C16orf46: variants seen among roughly 807,000 people sequenced by gnomAD.
The protein encoded by C16orf46 is uncharacterized protein C16orf46.
Under a neutral mutation model 5.5 loss-of-function variants are expected in C16orf46, and 7 were observed. The observed-to-expected ratio is 1.28, with a 90% CI of 0.73 to 2.40. The LOEUF is 2.40. C16orf46 is among the 30% of genes most tolerant of loss of function. The pLI is 0.00. For missense variants in C16orf46, 614 were observed against 476.0 expected (o/e 1.29, Z -2.70); for synonymous variants, 200 against 184.1 (o/e 1.09, Z -0.70).
rs1253966096 is a variant in C16orf46 at position 81,063,805 on chromosome 16, T to TA, written c.150dup (p.Thr51TyrfsTer3). On this transcript the variant is annotated frameshift_variant, in exon 3 of 4. Transcript: ENST00000299578. LOFTEE classifies it high-confidence loss of function. ...TTGGCTTTTTCATCTTGTTCAAGCG[T>TA]AATGTCACTGACATCGAGAAGACAA... 2 of 1,614,146 alleles carry TA rather than the reference T, an allele frequency of 1.2e-6. No individual in the cohort carries two copies.
At chr16:81,064,362 C>CAAA (rs113685280) in intron 2 of C16orf46, among the ~76,000 whole-genome samples, 11 of 139,286 alleles carry the variant, frequency 7.9e-5, no homozygotes, top group Non-Finnish European at 1.2e-4. Context: ...GATTACATCT[C>CAAA]AAAAAAAAAA....
Position 81,061,996 on chromosome 16 carries a change from G to T in C16orf46, c.353C>A (p.Pro118His). 1 of 1,614,132 alleles carries T rather than the reference G, an allele frequency of 6.2e-7. No homozygotes were observed. The highest frequency in any genetic ancestry group is 8.5e-7 in the Non-Finnish European group (1 of 1,180,036). The change falls in exon 4 of 4, where the codon CCT (proline) becomes CAT (histidine). Residue 118 changes from proline (P) to histidine (H), a missense_variant. By Grantham distance (77) the Pro-to-His change is moderately conservative. Coordinates refer to ENST00000299578, the MANE Select transcript of C16orf46 (RefSeq NM_152337.3). ...ATCCTTCTCTGGGCCCCCCTCAGTA[G>T]GAGGCTTGGTCTGGAGGCTCCAGTG... ...LSHWSLQTKP[P>H]TEGGPEKDQS...
chr16:81,056,781 C>A (rs373519757), downstream of C16orf46, among the ~76,000 whole-genome samples: 1 of 151,560 alleles, frequency 6.6e-6, no homozygotes, highest in East Asian at 1.9e-4. Context: ...CACCATGAGA[C>A]CCTAGAGGAC....
chr16:81,066,187 G>A lies in C16orf46; in HGVS notation c.-39+6C>T, dbSNP rs143484143. On this transcript the variant is annotated splice_donor_region_variant and intron_variant, in intron 2 of 3. Transcript: ENST00000299578. ...TTATTAATCAGAAGGTCAGATTACTGCATACCAGATCACCAGATGCACCTT... is the reference window on the plus strand; with the variant it reads ...TTATTAATCAGAAGGTCAGATTACTACATACCAGATCACCAGATGCACCTT... 1 of 151,934 alleles carries A rather than the reference G, an allele frequency of 6.6e-6. No individual in the cohort carries two copies. The highest frequency in any genetic ancestry group is 2.4e-5 in the African/African-American group (1 of 41,460). The allele number at this position is 151,934 out of a possible 1,614,324, so 9.4% of individuals were successfully genotyped here.
intron 1 of C16orf46, 116 bp downstream of exon 1, chr16:81,077,020 T>TCTGCCTTTCG (rs1426102263): frequency 3.9e-5 from 6 of 152,414 alleles, no homozygotes; most frequent in Non-Finnish European, 8.8e-5. Context: ...ACATAGTGCC[T>TCTGCCTTTCG]CTGCCTTTCG....
At position 81,069,579 on chromosome 16, in the gene C16orf46, A is replaced by G. The variant is rs561845647; in HGVS notation, c.-127-3298T>C. Among the ~76,000 whole-genome samples, 207 of 152,290 alleles carry G rather than the reference A, an allele frequency of 1.4e-3. 7 individuals are homozygous for G. The South Asian group carries it at 0.041, about 30-fold the overall frequency. On this transcript the variant is annotated intron_variant, in intron 1 of 3. Coordinates refer to ENST00000299578, the MANE Select transcript of C16orf46 (RefSeq NM_152337.3). ...AGAAGCGGGGCTAATACTTCCTTCTATATCTCCAGGAGGAGTAAGAAGCCA... is the reference window on the plus strand; with the variant it reads ...AGAAGCGGGGCTAATACTTCCTTCTGTATCTCCAGGAGGAGTAAGAAGCCA...
chr16:81,063,657 T>G, intron 3 of C16orf46, 89 bp downstream of exon 3: 1 of 1,110,304 alleles, frequency 9.0e-7, no homozygotes, highest in East Asian at 2.4e-5. Context: ...CATTTTTTGG[T>G]AATATTAACT....
At chr16:81,076,081 GT>G (rs1972031032) in intron 1 of C16orf46, among the ~76,000 whole-genome samples, 1 of 152,130 alleles carries the variant, frequency 6.6e-6, no homozygotes, top group Admixed American at 6.5e-5. Flanking sequence ...GTTCCTGTGG[GT>G]CGGCTCCTTA....
intron 1 of C16orf46, among the ~76,000 whole-genome samples, chr16:81,071,745 C>A (rs1188364762): frequency 1.3e-5 from 2 of 152,076 alleles, no homozygotes; most frequent in African/African-American, 2.4e-5. Flanking sequence ...AAAGTCAATG[C>A]ATAACATAAC....
chr16:81,064,802 C>G (rs1373754286), intron 2 of C16orf46, among the ~76,000 whole-genome samples: 1 of 151,262 alleles, frequency 6.6e-6, no homozygotes, highest in East Asian at 1.9e-4. Context: ...TGGCCATCTA[C>G]AAGCCAAAGA....
At position 81,061,010 on chromosome 16, in the gene C16orf46, A is replaced by G; in HGVS notation, c.*151T>C. The G allele has an allele frequency of 2.2e-6, 3 of 1,384,676 alleles. No individual in the cohort carries two copies. The highest frequency in any genetic ancestry group is 2.9e-5 in the African/African-American group (2 of 68,682). 85.8% of individuals were successfully genotyped at this position (1,384,676 alleles called of 1,614,324 possible). A position where few individuals can be genotyped will look rare whatever the true frequency, so the allele number is the denominator to read the frequency against. On this transcript the variant is annotated 3_prime_UTR_variant, in exon 4 of 4. Transcript: ENST00000299578. ...TTCAGTTTTCTTCAGTTGTACTACA[A>G]AAAAAAAATGGAGGAAAAGAAGAGT... is the stretch of plus-strand genomic sequence containing the variant.
At chr16:81,076,988 C>T (rs1265781649) in intron 1 of C16orf46, 148 bp downstream of exon 1, 1 of 152,442 alleles carries the variant, frequency 6.6e-6, no homozygotes, top group Non-Finnish European at 1.5e-5. Flanking sequence ...CCAGACCCCG[C>T]CCGCTCTGGG....
Position 81,061,816 on chromosome 16 carries a change from G to A in C16orf46, c.533C>T (p.Pro178Leu), listed in dbSNP as rs200288207. Residue 178 changes from proline (P) to leucine (L), a missense_variant, in exon 4 of 4, where the codon CCC becomes CTC. Coordinates refer to ENST00000299578, the MANE Select transcript of C16orf46 (RefSeq NM_152337.3). ...AGAGGCCTTGCCCCTATTAGTGCCGGGGATGGCCCAGTCTTTGTTGCACCA... is the reference window on the plus strand; with the variant it reads ...AGAGGCCTTGCCCCTATTAGTGCCGAGGATGGCCCAGTCTTTGTTGCACCA... ...FIWCNKDWAI[P>L]GTNRGKASGN... 6.2e-7 allele frequency: 1 copy of A among 1,614,178 alleles called. No individual in the cohort carries two copies. The highest frequency in any genetic ancestry group is 2.2e-5 in the East Asian group (1 of 44,884).
chr16:81,053,958 C>G (rs1045400948), exon 4 of C16orf46: 3 of 1,162,200 alleles, frequency 2.6e-6, no homozygotes, highest in African/African-American at 3.0e-5. Flanking sequence ...GCGTTTGACT[C>G]TCTGCTTTCT....
At chr16:81,066,462 C>T (rs1426447656) in intron 1 of C16orf46, among the ~76,000 whole-genome samples, 181 bp from the exon 2 acceptor site, 5 of 152,196 alleles carry the variant, frequency 3.3e-5, no homozygotes, top group Admixed American at 2.0e-4. Context: ...GCCTCAACCT[C>T]CCAGGTAGCT....
intron 1 of C16orf46, among the ~76,000 whole-genome samples, chr16:81,070,898 C>A (rs1359214554): frequency 6.6e-6 from 1 of 152,132 alleles, no homozygotes; most frequent in African/African-American, 2.4e-5. Flanking sequence ...CTGCTGGACT[C>A]AACTGGTTTA....
downstream of C16orf46, among the ~76,000 whole-genome samples, chr16:81,058,516 G>A (rs1461362077): frequency 6.6e-6 from 1 of 152,132 alleles, no homozygotes; most frequent in East Asian, 1.9e-4. Context: ...AAGATGGATT[G>A]GACCCAAGCA....
At position 81,061,763 on chromosome 16, in the gene C16orf46, C is replaced by G. The variant is rs748197489; in HGVS notation, c.586G>C (p.Gly196Arg). 5 of 1,613,854 alleles carry G rather than the reference C, an allele frequency of 3.1e-6. No homozygotes were observed. The highest frequency in any genetic ancestry group is 1.6e-4 in the Middle Eastern group (1 of 6,062). Residue 196 changes from glycine (G) to arginine (R), a missense_variant, in exon 4 of 4, where the codon GGG becomes CGG. By Grantham distance (125) the Gly-to-Arg change is moderately radical (BLOSUM62 -2). Coordinates refer to ENST00000299578, the MANE Select transcript of C16orf46 (RefSeq NM_152337.3). Reference protein sequence around the residue: ...SGNPSGGAHRGLSIPGPLTSR... With the variant: ...SGNPSGGAHRRLSIPGPLTSR... ...GTCAGGGGGCCTGGGATGGACAGCC[C>G]TCTGTGGGCCCCTCCACTGGGATTC...
Position 81,061,194 on chromosome 16 carries a change from A to G in C16orf46, c.1155T>C (p.Val385=), listed in dbSNP as rs945781820. Residue 385 remains valine (V), a synonymous_variant, in exon 4 of 4, where the codon GTT becomes GTC. Coordinates refer to ENST00000299578, the MANE Select transcript of C16orf46 (RefSeq NM_152337.3). The part of the protein sequence containing the change: ...PVLPSLTVSR[V]IIPVSTHRIL ...TCCTGTGGGTAGAGACAGGAATGAT[A>G]ACTCTGCTCACTGTGAGAGACGGCA... is the stretch of plus-strand genomic sequence containing the variant. The G allele has an allele frequency of 1.2e-6, 2 of 1,613,212 alleles. No individual in the cohort carries two copies. The highest frequency in any genetic ancestry group is 2.2e-5 in the East Asian group (1 of 44,872).
Sources: allele counts gnomAD v4.1 joint callset (sites outside exome capture counted in the v4.1 genomes callset), GRCh38; gene constraint gnomAD v4.1.1; transcripts MANE v1.5; gene names NCBI Gene and HGNC (gene_info 2026-07-23, HGNC 2026-07-21).